DDX27: variants seen among roughly 807,000 people sequenced by gnomAD.
DDX27 encodes the protein DEAD-box helicase 27.
In DDX27, 42 loss-of-function variants were observed where a neutral mutation model predicts 99.3. The observed-to-expected ratio is 0.42, with a 90% CI of 0.33 to 0.55. The LOEUF is 0.55. DDX27 is among the 20% of genes least tolerant of loss of function. The pLI is 0.07. For missense variants in DDX27, 798 were observed against 976.8 expected, an observed-to-expected ratio of 0.82 and a Z score of 2.44; for synonymous variants, 329 against 353.8, an observed-to-expected ratio of 0.93 and a Z score of 0.79.
At chr20:49,233,535 A>G in intron 10 of DDX27, 33 bp from the exon 11 acceptor site, 10 of 1,606,886 alleles carry the variant, frequency 6.2e-6, no homozygotes, top group Non-Finnish European at 8.5e-6. Flanking sequence ...CACCTTGCAG[A>G]GAGCTGAGGA....
chr20:49,235,957 A>T lies in DDX27; in HGVS notation c.1428-193A>T, dbSNP rs372453651. 48 of 402,818 alleles carry T rather than the reference A, an allele frequency of 1.2e-4. 1 individual carries two copies. The highest frequency in any genetic ancestry group is 7.2e-4 in the South Asian group (14 of 19,452). The allele number at this position is 402,818 out of a possible 1,614,324, so 25.0% of individuals were successfully genotyped here. ...ACGGGGTTTCACCGTGTTAGCGAGG[A>T]TGGTCTCGATCTCCTGACCTCGTGA... On this transcript the variant is annotated intron_variant, in intron 12 of 20. Coordinates refer to ENST00000618172, the MANE Select transcript of DDX27 (RefSeq NM_017895.8).
intron 19 of DDX27, among the ~76,000 whole-genome samples, chr20:49,243,223 A>G (rs1277610829): frequency 2.0e-5 from 3 of 152,116 alleles, no homozygotes; most frequent in Non-Finnish European, 2.9e-5. Flanking sequence ...TTGGAGGTGA[A>G]ATAGTACATT....
chr20:49,226,496 T>A lies in DDX27; in HGVS notation c.667T>A (p.Leu223Met). The A allele has an allele frequency of 6.2e-7, 1 of 1,614,032 alleles. No homozygotes were observed. Among genetic ancestry groups the A allele is most frequent in the Non-Finnish European group, 8.5e-7 (1 of 1,179,954 alleles). ...GAAGGCGTGCATACCTGTGGGTCTA[T>A]TGGGGAAGGACATCTGTGCCTGTGC... ...IQKACIPVGL[L>M]GKDICACAAT... is the part of the protein sequence containing the mutation. Residue 223 changes from leucine (L) to methionine (M), a missense_variant, in exon 7 of 21, where the codon TTG becomes ATG. Coordinates refer to ENST00000618172, the MANE Select transcript of DDX27 (RefSeq NM_017895.8).
chr20:49,239,104 G>C (rs1260430155), intron 15 of DDX27, 49 bp downstream of exon 15: 3 of 1,551,414 alleles, frequency 1.9e-6, no homozygotes, highest in Non-Finnish European at 8.9e-7. Flanking sequence ...CAGTAAGCAA[G>C]CTGCTGCATC....
At chr20:49,230,454 C>T in intron 9 of DDX27, 105 bp downstream of exon 9, 2 of 1,365,836 alleles carry the variant, frequency 1.5e-6, no homozygotes, top group South Asian at 1.4e-5. Context: ...TGGGCCATGG[C>T]TGTTGGTGTG....
rs1234580172 is a variant in DDX27 at position 49,242,620 on chromosome 20, T to C, written c.2143T>C (p.Ser715Pro). Residue 715 changes from serine to proline, a missense_variant, in exon 19 of 21, where the codon TCT becomes CCT. Ser to Pro is a moderately conservative substitution (Grantham distance 74). This residue lies in a region of DDX27 where 553 missense variants were observed against 727.9 expected (regional missense o/e 0.76). Coordinates refer to ENST00000618172, the MANE Select transcript of DDX27 (RefSeq NM_017895.8). ...PAKKQKQGKKSVFDEELTNTS... is the reference protein window; with the variant it reads ...PAKKQKQGKKPVFDEELTNTS... ...CAAGAAGCAAAAGCAGGGGAAGAAA[T>C]CTGTATTTGATGAAGAACTCACCAA... The C allele has an allele frequency of 9.3e-6, 15 of 1,613,918 alleles. No individual in the cohort carries two copies. Among genetic ancestry groups the C allele is most frequent in the Admixed American group, 5.0e-5 (3 of 59,984 alleles).
At chr20:49,229,942 GC>G (rs1980041605) in intron 8 of DDX27, among the ~76,000 whole-genome samples, 1 of 152,118 alleles carries the variant, frequency 6.6e-6, no homozygotes, top group Admixed American at 6.6e-5. Flanking sequence ...GAGCCACCTC[GC>G]CCAGCCCATG....
chr20:49,221,340 C>T (rs1048786420), intron 1 of DDX27, 112 bp from the exon 2 acceptor site: 60 of 1,249,820 alleles, frequency 4.8e-5, no homozygotes, highest in Middle Eastern at 2.8e-4. Context: ...TGCGTGCCTT[C>T]GCCTCCTAAA....
intron 9 of DDX27, among the ~76,000 whole-genome samples, chr20:49,233,009 T>C (rs6122768): frequency 0.79 from 119,063 of 151,434 alleles, 47,123 homozygotes; most frequent in Middle Eastern, 0.84. Context: ...TTCACGCACT[T>C]GAAAGTCTTG....
intron 12 of DDX27, chr20:49,235,826 C>T (rs1980283013): frequency 5.8e-6 from 1 of 172,898 alleles, no homozygotes; most frequent in South Asian, 1.9e-4. Context: ...TTACTGCAAG[C>T]TCCGCCTCCC....
rs925385490 is a variant in DDX27 at position 49,226,435 on chromosome 20, T to C, written c.606T>C (p.Ile202=). ...CCCAGTTCTTTTTTCCTCAGGCCAT[T>C]ACAGCCATGGGCTTCAAGCAGCCCA... is the stretch of plus-strand genomic sequence containing the variant. The part of the protein sequence containing the change: ...MNLSRPLLKA[I]TAMGFKQPTP... The change falls in exon 7 of 21, where the codon ATT becomes ATC. Residue 202 remains isoleucine, a synonymous_variant. Transcript: ENST00000618172. The C allele has an allele frequency of 1.9e-6, 3 of 1,613,514 alleles. No individual in the cohort carries two copies. The highest frequency in any genetic ancestry group is 1.7e-5 in the Admixed American group (1 of 59,946).
chr20:49,225,008 A>C lies in DDX27; in HGVS notation c.513+17A>C, dbSNP rs766533309. 4.3e-6 allele frequency: 7 copies of C among 1,614,084 alleles called. No individual in the cohort carries two copies. Among genetic ancestry groups the C allele is most frequent in the Non-Finnish European group, 5.1e-6 (6 of 1,180,036 alleles). On this transcript the variant is annotated intron_variant, in intron 5 of 20. Transcript: ENST00000618172. ...AAAGGACAGGTGAGCTTGGGGCTGC[A>C]AGACAGTATGCAGCTTGTTGGCAAA...
chr20:49,221,885 C>T (rs1979701801), intron 2 of DDX27, among the ~76,000 whole-genome samples: 1 of 150,300 alleles, frequency 6.7e-6, no homozygotes. Context: ...GAGCACTTGC[C>T]AGGTGGTCTC....
chr20:49,228,980 G>A (rs1204244962), intron 8 of DDX27, 92 bp downstream of exon 8: 2 of 1,264,276 alleles, frequency 1.6e-6, no homozygotes, highest in Non-Finnish European at 2.1e-6. Flanking sequence ...TTGGTGACAG[G>A]TGCCAGGAGA....
intron 16 of DDX27, among the ~76,000 whole-genome samples, chr20:49,240,827 C>T (rs537820058): frequency 1.2e-3 from 187 of 152,070 alleles, no homozygotes; most frequent in African/African-American, 4.3e-3. Context: ...CCAGCCTGGG[C>T]AGCATGGCAA....
At position 49,242,812 on chromosome 20, in the gene DDX27, C is replaced by T. The variant is rs1267525871; in HGVS notation, c.2204+131C>T. 3 of 851,428 alleles carry T rather than the reference C, an allele frequency of 3.5e-6. No homozygotes were observed. In the African/African-American group the frequency reaches 5.2e-5, roughly 15 times the overall value. 52.7% of individuals were successfully genotyped at this position (851,428 alleles called of 1,614,324 possible). A position where few individuals can be genotyped will look rare whatever the true frequency, so the allele number is the denominator to read the frequency against. ...TCTTAGCTCACTGCAAGCTCCACCT[C>T]CTGGGTTCAAGCAATTCTCCTGCCT... On this transcript the variant is annotated intron_variant, in intron 19 of 20. Transcript: ENST00000618172.
At position 49,224,970 on chromosome 20, in the gene DDX27, G is replaced by A. The variant is rs368410954; in HGVS notation, c.492G>A (p.Lys164=). ...ATACACTCAAAGTAAAGGATCGGAA[G>A]AAGAAGAAGAAGAAAGGACAGGTGA... ...KADTLKVKDR[K]KKKKKGQEAG... is the part of the protein sequence containing the mutation. The change falls in exon 5 of 21, where the codon AAG becomes AAA. Residue 164 remains lysine, a synonymous_variant. Coordinates refer to ENST00000618172, the MANE Select transcript of DDX27 (RefSeq NM_017895.8). 1.9e-6 allele frequency: 3 copies of A among 1,613,770 alleles called. No homozygotes were observed. The highest frequency in any genetic ancestry group is 2.5e-6 in the Non-Finnish European group (3 of 1,179,938).
chr20:49,234,858 C>T (rs1980251892), intron 11 of DDX27, 77 bp from the exon 12 acceptor site: 3 of 1,492,542 alleles, frequency 2.0e-6, no homozygotes, highest in South Asian at 1.3e-5. Flanking sequence ...AGTGACCATA[C>T]TTTGTGGATG....
intron 16 of DDX27, among the ~76,000 whole-genome samples, chr20:49,241,010 G>A (rs1482442410): frequency 2.6e-5 from 4 of 151,976 alleles, no homozygotes; most frequent in East Asian, 3.9e-4. Flanking sequence ...ATGAGACCCC[G>A]ACTCAAACCA....
Sources: gnomAD v4.1 joint callset for allele counts (sites outside exome capture counted in the v4.1 genomes callset) on GRCh38, gnomAD v4.1.1 for gene constraint, gnomAD v4.1.1 regional missense constraint, MANE v1.5 for transcripts, NCBI Gene and HGNC (gene_info 2026-07-23, HGNC 2026-07-21) for gene names.